DPH6: variants seen among roughly 807,000 people sequenced by gnomAD.
The protein encoded by DPH6 is diphthamine biosynthesis 6, also known as diphthine--ammonia ligase.
In DPH6, 33 loss-of-function variants were observed where a neutral mutation model predicts 38.2. The ratio of observed to expected loss-of-function variants is 0.86; its 90% CI spans 0.65 to 1.15. DPH6 has a LOEUF of 1.15. Among genes scored for constraint, DPH6 ranks in the 50% most tolerant of loss-of-function variants. The pLI is 0.00. For synonymous variants in DPH6, 108 were observed against 103.0 expected, an observed-to-expected ratio of 1.05 and a Z score of -0.30; for missense variants, 325 against 320.0, an observed-to-expected ratio of 1.02 and a Z score of -0.12.
At chr15:35,513,973 G>T (rs2054811485) in intron 3 of DPH6, among the ~76,000 whole-genome samples, 1 of 151,678 alleles carries the variant, frequency 6.6e-6, no homozygotes, top group Admixed American at 6.6e-5. Context: ...TTCCATTTCA[G>T]ACTGCTTGAC....
intron 5 of DPH6, among the ~76,000 whole-genome samples, chr15:35,431,086 G>C (rs2053627211): frequency 6.6e-6 from 1 of 152,094 alleles, no homozygotes; most frequent in Admixed American, 6.5e-5. Context: ...AGAAAAGAAA[G>C]AGAGGTAACT....
At chr15:35,197,448 C>T in the DPH6 span, among the ~76,000 whole-genome samples, 2 of 152,034 alleles carry the variant, frequency 1.3e-5, no homozygotes, top group East Asian at 1.9e-4. Context: ...AATCCCCTGC[C>T]TCCCCAAAAG....
chr15:35,221,549 G>C (rs968319337), intron 3 of DPH6, among the ~76,000 whole-genome samples: 13 of 152,206 alleles, frequency 8.5e-5, no homozygotes, highest in African/African-American at 3.1e-4. Flanking sequence ...TTATGGGTCT[G>C]TATGTTCCTG....
chr15:35,332,677 T>C lies in DPH6; in HGVS notation n.208-1600A>G, dbSNP rs141453572. On this transcript the variant is annotated intron_variant and non_coding_transcript_variant, in intron 3 of 3. Transcript: ENST00000558973. ...CTTAGTAATATTCAATAATTAGTAA[T>C]TTAGAATTAAATTATATAAAACATA... Among the ~76,000 whole-genome samples the C allele has an allele frequency of 2.0e-3, 303 of 152,226 alleles. 1 individual carries two copies. Among genetic ancestry groups the C allele is most frequent in the African/African-American group, 6.8e-3 (282 of 41,550 alleles).
chr15:35,505,933 A>G (rs367896875), intron 3 of DPH6, among the ~76,000 whole-genome samples: 44 of 152,222 alleles, frequency 2.9e-4, no homozygotes, highest in Middle Eastern at 3.4e-3. Context: ...TTTTATTTAC[A>G]CTTGTCAGTA....
At chr15:35,250,136 C>A (rs762778622) in intron 3 of DPH6, among the ~76,000 whole-genome samples, 21 of 151,838 alleles carry the variant, frequency 1.4e-4, no homozygotes, top group Middle Eastern at 3.4e-3. Flanking sequence ...CGAGATCGCG[C>A]CACTGCACTC....
At chr15:35,207,036 A>C in the DPH6 span, among the ~76,000 whole-genome samples, 1 of 117,444 alleles carries the variant, frequency 8.5e-6, no homozygotes, top group African/African-American at 2.7e-5. Flanking sequence ...AATTTAGTAA[A>C]GCTTTTTTTT....
intron 3 of DPH6, among the ~76,000 whole-genome samples, chr15:35,232,447 G>A (rs2051524604): frequency 6.6e-6 from 1 of 152,076 alleles, no homozygotes; most frequent in South Asian, 2.1e-4. Context: ...CGGGTGTGAT[G>A]GTGGGTGCCT....
At chr15:35,335,764 C>T (rs1458494625) in intron 3 of DPH6, among the ~76,000 whole-genome samples, 1 of 152,026 alleles carries the variant, frequency 6.6e-6, no homozygotes, top group Non-Finnish European at 1.5e-5. Context: ...TGTACCAGTC[C>T]CATGATGTTT....
At chr15:35,291,320 T>G (rs1205098989) in intron 3 of DPH6, among the ~76,000 whole-genome samples, 1 of 152,120 alleles carries the variant, frequency 6.6e-6, no homozygotes. Context: ...TGGGAATCCT[T>G]AGAAACTACA....
intron 3 of DPH6, among the ~76,000 whole-genome samples, chr15:35,305,169 G>C (rs1273243520): frequency 4.6e-5 from 7 of 152,008 alleles, no homozygotes; most frequent in Admixed American, 4.6e-4. Context: ...TCTCAAGTCA[G>C]GTAGTACGCT....
chr15:35,182,048 A>G, the DPH6 span, among the ~76,000 whole-genome samples: 3 of 152,040 alleles, frequency 2.0e-5, no homozygotes, highest in African/African-American at 7.2e-5. Flanking sequence ...ACTTTTAATT[A>G]TAGTTGTATT....
the DPH6 span, among the ~76,000 whole-genome samples, chr15:35,147,944 C>T: frequency 6.6e-6 from 1 of 152,176 alleles, no homozygotes; most frequent in Admixed American, 6.5e-5. Flanking sequence ...AGTGACAAGA[C>T]CATTTGACAG....
Position 35,371,729 on chromosome 15 carries a change from A to T in DPH6, c.*421T>A. ...GGCGACACCCAGTAGAATAAGCTTGACTGGCTAAATAAAGTGACCATCTTT... is the reference window on the plus strand; with the variant it reads ...GGCGACACCCAGTAGAATAAGCTTGTCTGGCTAAATAAAGTGACCATCTTT... On this transcript the variant is annotated 3_prime_UTR_variant, in exon 9 of 9. Transcript: ENST00000256538. The T allele has an allele frequency of 1.0e-6, 1 of 987,600 alleles. No homozygotes were observed. Among genetic ancestry groups the T allele is most frequent in the Non-Finnish European group, 1.2e-6 (1 of 831,612 alleles). The allele number at this position is 987,600 out of a possible 1,614,324, so 61.2% of individuals were successfully genotyped here.
At chr15:35,464,997 A>T (rs1441024775) in intron 3 of DPH6, among the ~76,000 whole-genome samples, 1 of 152,198 alleles carries the variant, frequency 6.6e-6, no homozygotes, top group Non-Finnish European at 1.5e-5. Flanking sequence ...TAGCAGAAGG[A>T]ATTAAAGGTA....
chr15:35,236,640 C>CA (rs373551575), intron 3 of DPH6, among the ~76,000 whole-genome samples: 3,984 of 101,546 alleles, frequency 0.039, 57 homozygotes, highest in Non-Finnish European at 0.045. Flanking sequence ...GACTCCATCT[C>CA]AAAAAAAAAA....
chr15:35,451,164 C>T (rs2053928118), intron 4 of DPH6, among the ~76,000 whole-genome samples: 1 of 151,920 alleles, frequency 6.6e-6, no homozygotes, highest in Admixed American at 6.6e-5. Context: ...AATAATTTAT[C>T]CTAATAAAAT....
the DPH6 span, among the ~76,000 whole-genome samples, chr15:35,195,014 A>T: frequency 6.6e-6 from 1 of 152,112 alleles, no homozygotes; most frequent in African/African-American, 2.4e-5. Flanking sequence ...ACCAGGTTTC[A>T]TTCTATCTAA....
chr15:35,543,996 C>T (rs1284787374), intron 1 of DPH6, among the ~76,000 whole-genome samples: 1 of 152,144 alleles, frequency 6.6e-6, no homozygotes, highest in Non-Finnish European at 1.5e-5. Context: ...TTCTGTGGAA[C>T]ACTGGTGTCC....
Sources: allele counts gnomAD v4.1 joint callset (sites outside exome capture counted in the v4.1 genomes callset), GRCh38; gene constraint gnomAD v4.1.1; transcripts MANE v1.5; gene names NCBI Gene and HGNC (gene_info 2026-07-23, HGNC 2026-07-21).